The following SYT16 variants were observed in gnomAD, a reference collection of about 807,000 sequenced individuals.
SYT16 encodes the protein synaptotagmin-16.
SYT16 carries 42 observed loss-of-function variants against 61.4 expected under a neutral mutation model. The ratio of observed to expected loss-of-function variants is 0.68; its 90% CI spans 0.53 to 0.89. SYT16 has a LOEUF of 0.89. Among genes scored for constraint, SYT16 ranks in the 40% least tolerant of loss-of-function variants. The pLI, the probability that SYT16 is intolerant of heterozygous loss-of-function variation, is 0.00. For missense variants in SYT16, 804 were observed against 807.3 expected (o/e 1.00, Z 0.05); for synonymous variants, 314 against 302.3 (o/e 1.04, Z -0.40).
At chr14:61,929,253 T>G (rs182525681) in intron 1 of SYT16, among the ~76,000 whole-genome samples, 2 of 152,308 alleles carry the variant, frequency 1.3e-5, no homozygotes, top group Admixed American at 1.3e-4. Context: ...ACCCCTCAGG[T>G]TTGGCCGACT....
rs117919035 is a variant in SYT16, at chr14:62,095,979, A to G, written c.1625-4415A>G. Among the ~76,000 whole-genome samples, 1,272 of 152,120 alleles carry G rather than the reference A, an allele frequency of 8.4e-3. 12 individuals are homozygous for G. Among genetic ancestry groups the G allele is most frequent in the East Asian group, 0.068 (354 of 5,178 alleles). ...AGCTTGGAAACTTGATATTTGACAG[A>G]CATGGTATTAGAAATTAGTGGGGAG... On this transcript the variant is annotated intron_variant, in intron 7 of 7. Coordinates refer to ENST00000683842, the MANE Select transcript of SYT16 (RefSeq NM_001367656.1).
At chr14:61,967,868 C>G (rs918279191) in intron 1 of SYT16, among the ~76,000 whole-genome samples, 1 of 152,068 alleles carries the variant, frequency 6.6e-6, no homozygotes, top group African/African-American at 2.4e-5. Flanking sequence ...AATGATTGTT[C>G]TGGCTATTGT....
At chr14:61,963,813 G>A (rs2353245) in intron 1 of SYT16, among the ~76,000 whole-genome samples, 21,723 of 152,136 alleles carry the variant, frequency 0.14, 2,882 homozygotes, top group African/African-American at 0.35. Flanking sequence ...GGTAAGGGCT[G>A]ATGTAGCTGG....
At chr14:61,932,151 A>G in intron 1 of SYT16, among the ~76,000 whole-genome samples, 1 of 152,136 alleles carries the variant, frequency 6.6e-6, no homozygotes, top group East Asian at 1.9e-4. Context: ...CTCCTTCATA[A>G]CCGAGATACC....
intron 1 of SYT16, among the ~76,000 whole-genome samples, chr14:61,939,462 A>G (rs1390373045): frequency 6.6e-6 from 1 of 152,208 alleles, no homozygotes; most frequent in Non-Finnish European, 1.5e-5. Context: ...GTCCTGGAGG[A>G]CAGAAGTCTG....
At chr14:61,885,524 T>A (rs2047866267) in intron 1 of SYT16, among the ~76,000 whole-genome samples, 1 of 152,178 alleles carries the variant, frequency 6.6e-6, no homozygotes, top group Non-Finnish European at 1.5e-5. Context: ...GCACATATAG[T>A]CAGATAAATG....
intron 1 of SYT16, among the ~76,000 whole-genome samples, chr14:61,901,741 T>TATAATAATA (rs369412092): frequency 2.7e-5 from 4 of 147,572 alleles, no homozygotes; most frequent in African/African-American, 1.0e-4. Flanking sequence ...TTCATCTGCT[T>TATAATAATA]ATAATAATAA....
intron 3 of SYT16, among the ~76,000 whole-genome samples, chr14:62,026,413 G>A (rs561055124): frequency 7.2e-5 from 11 of 152,278 alleles, no homozygotes; most frequent in African/African-American, 2.4e-4. Context: ...TCTGGTGAAG[G>A]CCTTCTTGCT....
At chr14:62,079,350 AT>A in intron 5 of SYT16, 1 of 1,207,994 alleles carries the variant, frequency 8.3e-7, no homozygotes, top group South Asian at 1.4e-5. Context: ...GCTAATTTGA[AT>A]CTTAAAAGAA....
At chr14:61,957,099 A>C (rs1461375526) in intron 1 of SYT16, among the ~76,000 whole-genome samples, 2 of 151,900 alleles carry the variant, frequency 1.3e-5, no homozygotes, top group African/African-American at 4.8e-5. Flanking sequence ...TACTCATTCA[A>C]ATAGGTCATT....
At chr14:61,911,495 A>T (rs2048932766) in intron 1 of SYT16, among the ~76,000 whole-genome samples, 1 of 152,208 alleles carries the variant, frequency 6.6e-6, no homozygotes, top group Admixed American at 6.5e-5. Context: ...TTTTCTGTTG[A>T]AAAATGTACA....
chr14:62,081,065 G>C lies in SYT16; in HGVS notation c.1225G>C (p.Gly409Arg). The change falls in exon 6 of 8, where the codon GGG (glycine) becomes CGG (arginine). Residue 409 changes from glycine (G) to arginine (R), a missense_variant. By Grantham distance (125) the Gly-to-Arg change is moderately radical. Transcript: ENST00000683842. Reference protein sequence around the residue: ...KHRGRTNIQRGPNPVFREKVT... With the variant: ...KHRGRTNIQRRPNPVFREKVT... ...CAGGGGCAGGACGAACATACAGAGA[G>C]GGCCCAACCCCGTCTTCAGGGAGAA... 1.2e-6 allele frequency: 2 copies of C among 1,613,712 alleles called. No individual in the cohort carries two copies. The highest frequency in any genetic ancestry group is 8.5e-7 in the Non-Finnish European group (1 of 1,179,770).
chr14:62,029,807 T>C (rs191563758), intron 3 of SYT16, among the ~76,000 whole-genome samples: 1 of 152,150 alleles, frequency 6.6e-6, no homozygotes, highest in East Asian at 1.9e-4. Context: ...TAGGAGGAGA[T>C]TGATGGTTTT....
chr14:62,072,570 A>T (rs74927281), intron 4 of SYT16, among the ~76,000 whole-genome samples: 1,676 of 152,322 alleles, frequency 0.011, 17 homozygotes, highest in East Asian at 0.026. Flanking sequence ...CGGGAACTTC[A>T]GTTCTCTTAA....
At chr14:62,012,926 A>G (rs940567358) in intron 3 of SYT16, among the ~76,000 whole-genome samples, 1 of 152,216 alleles carries the variant, frequency 6.6e-6, no homozygotes, top group Non-Finnish European at 1.5e-5. Context: ...TTTCACACGG[A>G]AAGTGCCTAA....
chr14:61,998,890 C>T (rs1414545282), intron 3 of SYT16, among the ~76,000 whole-genome samples: 2 of 151,830 alleles, frequency 1.3e-5, no homozygotes, highest in African/African-American at 4.8e-5. Flanking sequence ...CTGTCAAATG[C>T]TGTTTCACAT....
chr14:61,968,473 A>G lies in SYT16; in HGVS notation c.-324-1659A>G, dbSNP rs546802888. On this transcript the variant is annotated intron_variant, in intron 1 of 7. Transcript: ENST00000683842. ...GTATAGGAGTGAAGGGCAAAAAGCT[A>G]GAGAGAAGAGGAGGATGGGATCCAG... Among the ~76,000 whole-genome samples, 5 of 152,250 alleles carry G rather than the reference A, an allele frequency of 3.3e-5. No individual in the cohort carries two copies. The East Asian group carries it at 9.7e-4, about 29-fold the overall frequency.
chr14:61,965,529 C>T (rs1035947838), intron 1 of SYT16, among the ~76,000 whole-genome samples: 2 of 152,152 alleles, frequency 1.3e-5, no homozygotes, highest in Non-Finnish European at 2.9e-5. Context: ...CCATCCCTCA[C>T]CCCTGCCCCA....
chr14:61,988,877 T>G (rs1403200134), intron 2 of SYT16, among the ~76,000 whole-genome samples: 1 of 76,368 alleles, frequency 1.3e-5, no homozygotes, highest in Non-Finnish European at 2.6e-5. Context: ...CACTATCTAA[T>G]CGCATTTTTT....
Sources: gnomAD v4.1 joint callset for allele counts (sites outside exome capture counted in the v4.1 genomes callset) on GRCh38, gnomAD v4.1.1 for gene constraint, MANE v1.5 for transcripts, NCBI Gene and HGNC (gene_info 2026-07-23, HGNC 2026-07-21) for gene names.